ARB2A: variants seen among roughly 807,000 people sequenced by gnomAD.
ARB2A encodes the protein cotranscriptional regulator ARB2A.
At chr5:94,059,159 GAGGGAGAC>G in the ARB2A span, among the ~76,000 whole-genome samples, 1 of 151,346 alleles carries the variant, frequency 6.6e-6, no homozygotes, top group African/African-American at 2.4e-5. Flanking sequence ...ACAAACACAG[GAGGGAGAC>G]TGAGAACTGA....
the ARB2A span, among the ~76,000 whole-genome samples, chr5:93,883,159 C>T: frequency 2.0e-5 from 3 of 151,066 alleles, no homozygotes; most frequent in Non-Finnish European, 3.0e-5. Flanking sequence ...TTGTCTAAAA[C>T]GATTATTTAG....
chr5:94,022,817 G>C, the ARB2A span, among the ~76,000 whole-genome samples: 1 of 152,180 alleles, frequency 6.6e-6, no homozygotes. Flanking sequence ...GAAAATAAAG[G>C]CAAGAAGCAC....
chr5:93,716,946 T>C, the ARB2A span, among the ~76,000 whole-genome samples: 1 of 152,156 alleles, frequency 6.6e-6, no homozygotes, highest in East Asian at 1.9e-4. Context: ...TCTGATTCAA[T>C]GTGCATAGTA....
the ARB2A span, among the ~76,000 whole-genome samples, chr5:94,080,360 C>T: frequency 2.0e-5 from 3 of 152,114 alleles, no homozygotes; most frequent in Non-Finnish European, 4.4e-5. Flanking sequence ...CAGCCTATAC[C>T]ATGAAATAAC....
the ARB2A span, among the ~76,000 whole-genome samples, chr5:93,818,399 G>C: frequency 6.6e-6 from 1 of 151,992 alleles, no homozygotes; most frequent in Non-Finnish European, 1.5e-5. Flanking sequence ...TGAATTTTAT[G>C]GCATGTAAGT....
At chr5:94,055,411 G>A in the ARB2A span, among the ~76,000 whole-genome samples, 3 of 152,044 alleles carry the variant, frequency 2.0e-5, no homozygotes, top group African/African-American at 7.2e-5. Context: ...AGAGAAAAAA[G>A]TATTTTGTCT....
At chr5:93,751,057 C>CA in the ARB2A span, among the ~76,000 whole-genome samples, 3 of 151,958 alleles carry the variant, frequency 2.0e-5, no homozygotes, top group African/African-American at 4.8e-5. Context: ...TTTAGATTAT[C>CA]AATAACTTTT....
At chr5:93,895,883 G>GGACA in the ARB2A span, among the ~76,000 whole-genome samples, 1 of 151,612 alleles carries the variant, frequency 6.6e-6, no homozygotes, top group South Asian at 2.1e-4. Context: ...AATTTTAATA[G>GGACA]GACATAGTTT....
the ARB2A span, among the ~76,000 whole-genome samples, chr5:93,630,161 C>T: frequency 6.6e-6 from 1 of 152,040 alleles, no homozygotes. Flanking sequence ...GAACAATATC[C>T]TTTTTGAAAA....
At chr5:94,004,796 G>C in the ARB2A span, among the ~76,000 whole-genome samples, 336 of 151,352 alleles carry the variant, frequency 2.2e-3, no homozygotes, top group African/African-American at 7.8e-3. Context: ...TATATTACTT[G>C]TTTTATTTGT....
the ARB2A span, among the ~76,000 whole-genome samples, chr5:93,918,386 T>C: frequency 6.6e-6 from 1 of 150,952 alleles, no homozygotes; most frequent in African/African-American, 2.4e-5. Flanking sequence ...TTTACATTCA[T>C]AAAGTAAGTG....
At chr5:93,823,593 A>G in the ARB2A span, among the ~76,000 whole-genome samples, 1 of 152,214 alleles carries the variant, frequency 6.6e-6, no homozygotes, top group Non-Finnish European at 1.5e-5. Context: ...GAAACAATAA[A>G]TATCATGAAA....
the ARB2A span, among the ~76,000 whole-genome samples, chr5:93,771,642 A>G: frequency 6.6e-6 from 1 of 152,238 alleles, no homozygotes; most frequent in Non-Finnish European, 1.5e-5. Context: ...AAAAGTGGGC[A>G]AAGGATATGA....
chr5:93,853,308 G>T, the ARB2A span, among the ~76,000 whole-genome samples: 1 of 151,536 alleles, frequency 6.6e-6, no homozygotes, highest in Admixed American at 6.6e-5. Flanking sequence ...CATTGATTTT[G>T]TATCCTGAGA....
At chr5:93,832,790 A>G in the ARB2A span, among the ~76,000 whole-genome samples, 1 of 152,092 alleles carries the variant, frequency 6.6e-6, no homozygotes, top group African/African-American at 2.4e-5. Flanking sequence ...TGCTGATCCC[A>G]AGAGGACTCC....
chr5:93,621,656 G>C, the ARB2A span, among the ~76,000 whole-genome samples: 5 of 152,360 alleles, frequency 3.3e-5, no homozygotes, highest in East Asian at 7.7e-4. Context: ...GCTTCCCAAG[G>C]GGGTGGTGTG....
At chr5:94,008,578 T>C in the ARB2A span, among the ~76,000 whole-genome samples, 1 of 152,170 alleles carries the variant, frequency 6.6e-6, no homozygotes, top group Non-Finnish European at 1.5e-5. Context: ...TCTAAATTTG[T>C]TCAGCAGATG....
the ARB2A span, among the ~76,000 whole-genome samples, chr5:93,989,755 TTC>T: frequency 6.6e-6 from 1 of 152,168 alleles, no homozygotes; most frequent in Non-Finnish European, 1.5e-5. Flanking sequence ...GCCCATTTTT[TTC>T]TGTTTCTGTT....
chr5:93,770,874 C>A, the ARB2A span, among the ~76,000 whole-genome samples: 3 of 152,184 alleles, frequency 2.0e-5, no homozygotes, highest in Admixed American at 6.5e-5. Context: ...AGTGGCCATA[C>A]TGCCCAAGGT....
Sources: gnomAD v4.1 joint callset for allele counts (sites outside exome capture counted in the v4.1 genomes callset) on GRCh38, gnomAD v4.1.1 for gene constraint, MANE v1.5 for transcripts, NCBI Gene and HGNC (gene_info 2026-07-23, HGNC 2026-07-21) for gene names.